The following ATP8A2 variants were observed in gnomAD, a reference collection of about 807,000 sequenced individuals.
The protein encoded by ATP8A2 is phospholipid-transporting ATPase IB.
ATP8A2 carries 100 observed loss-of-function variants against 165.6 expected under a neutral mutation model. The observed-to-expected ratio is 0.60, with a 90% confidence interval of 0.51 to 0.71. The LOEUF (loss-of-function observed/expected upper bound fraction) is 0.71, where lower values mean the gene tolerates loss of function less well. Among genes scored for constraint, ATP8A2 ranks in the 30% least tolerant of loss-of-function variants. The pLI, the probability that ATP8A2 is intolerant of heterozygous loss-of-function variation, is 0.00. For missense variants in ATP8A2, 1,227 were observed against 1,479.5 expected, an observed-to-expected ratio of 0.83 and a Z score of 2.80; for synonymous variants, 543 against 548.8, an observed-to-expected ratio of 0.99 and a Z score of 0.15.
chr13:25,701,134 G>C lies in ATP8A2; in HGVS notation c.2384+1789G>C, dbSNP rs181805449. ...TGATTTGCAGTTTTTCCCCTTTTAGGTTACCTTTTCACTTTCCTGATAGTA... is the reference window on the plus strand; with the variant it reads ...TGATTTGCAGTTTTTCCCCTTTTAGCTTACCTTTTCACTTTCCTGATAGTA... On this transcript the variant is annotated intron_variant, in intron 25 of 36. Coordinates refer to ENST00000381655, the MANE Select transcript of ATP8A2 (RefSeq NM_016529.6). 3.4e-3 allele frequency among the ~76,000 whole-genome samples: 518 copies of C among 152,114 alleles called. 2 individuals carry two copies. The highest frequency in any genetic ancestry group is 0.012 in the African/African-American group (492 of 41,498).
intron 33 of ATP8A2, chr13:25,867,915 T>C (rs1019704172): frequency 9.2e-6 from 2 of 218,560 alleles, no homozygotes; most frequent in African/African-American, 2.3e-5. Flanking sequence ...CAAAAGTGTC[T>C]TTTTTTTATT....
intron 1 of ATP8A2, among the ~76,000 whole-genome samples, chr13:25,422,239 T>G (rs1566120339): frequency 6.6e-6 from 1 of 152,220 alleles, no homozygotes; most frequent in East Asian, 1.9e-4. Context: ...GAGGCATTTT[T>G]GAAAGCAAGT....
chr13:25,752,460 A>C (rs951309929), intron 25 of ATP8A2, among the ~76,000 whole-genome samples: 1 of 152,180 alleles, frequency 6.6e-6, no homozygotes, highest in Middle Eastern at 3.2e-3. Flanking sequence ...TCTGAAAAAA[A>C]AGAAAGAAAT....
intron 33 of ATP8A2, among the ~76,000 whole-genome samples, chr13:25,892,914 T>G (rs367662016): frequency 6.6e-6 from 1 of 151,638 alleles, no homozygotes; most frequent in Admixed American, 6.6e-5. Flanking sequence ...TAGCACAAAG[T>G]GTTAAGTGGT....
chr13:25,623,975 T>A (rs2041041330), intron 24 of ATP8A2, among the ~76,000 whole-genome samples: 1 of 152,166 alleles, frequency 6.6e-6, no homozygotes. Flanking sequence ...TGTGTGTGTG[T>A]GTGAGAATGG....
At chr13:25,851,091 G>A (rs1487949281) in intron 30 of ATP8A2, among the ~76,000 whole-genome samples, 3 of 152,178 alleles carry the variant, frequency 2.0e-5, no homozygotes, top group Non-Finnish European at 2.9e-5. Context: ...TTTCCAGATG[G>A]TGTTAGCTTT....
intron 1 of ATP8A2, among the ~76,000 whole-genome samples, chr13:25,387,407 A>G (rs2033094897): frequency 6.6e-6 from 1 of 151,848 alleles, no homozygotes; most frequent in Non-Finnish European, 1.5e-5. Context: ...GTCCTAGGTT[A>G]TTGTAGCACA....
At position 25,889,245 on chromosome 13, in the gene ATP8A2, C is replaced by CATATAT. The variant is rs200723564; in HGVS notation, c.3183+26861_3183+26866dup. 9.3e-3 allele frequency among the ~76,000 whole-genome samples: 1,017 copies of CATATAT among 109,908 alleles called. 33 individuals carry two copies. Among genetic ancestry groups the CATATAT allele is most frequent in the African/African-American group, 0.03 (693 of 23,484 alleles). The allele number at this position is 109,908 out of a possible 152,430, so 72.1% of individuals were successfully genotyped here. On this transcript the variant is annotated intron_variant, in intron 33 of 36. Transcript: ENST00000381655. ...TTAAATTTGTTTGCTCATCCTTTGT[C>CATATAT]ATATATATATATATATATATATATA...
chr13:25,724,922 A>G (rs2138052965), intron 25 of ATP8A2, among the ~76,000 whole-genome samples: 1 of 152,312 alleles, frequency 6.6e-6, no homozygotes, highest in East Asian at 1.9e-4. Flanking sequence ...AGGTGTCTTC[A>G]ATAAAAAAGA....
chr13:25,400,600 A>C (rs1281906474), intron 1 of ATP8A2, among the ~76,000 whole-genome samples: 1 of 152,226 alleles, frequency 6.6e-6, no homozygotes, highest in African/African-American at 2.4e-5. Flanking sequence ...GAGGATTCTG[A>C]ACACCACTGA....
At chr13:25,566,098 T>TCTA (rs1328527463) in intron 16 of ATP8A2, among the ~76,000 whole-genome samples, 1 of 152,128 alleles carries the variant, frequency 6.6e-6, no homozygotes, top group Non-Finnish European at 1.5e-5. Flanking sequence ...CCTACTTTTC[T>TCTA]CTATTGAAGT....
chr13:26,009,183 C>T (rs949068938), intron 35 of ATP8A2, among the ~76,000 whole-genome samples: 1 of 152,110 alleles, frequency 6.6e-6, no homozygotes, highest in Non-Finnish European at 1.5e-5. Context: ...ATTTGCAGGA[C>T]TTGGTATAAG....
intron 10 of ATP8A2, 28 bp from the exon 11 acceptor site, chr13:25,551,310 C>T: frequency 6.3e-7 from 1 of 1,599,998 alleles, no homozygotes; most frequent in Non-Finnish European, 8.6e-7. Context: ...TTCTGTGACC[C>T]TTACTGACTT....
At chr13:25,437,083 T>A (rs2034801449) in intron 1 of ATP8A2, among the ~76,000 whole-genome samples, 1 of 152,198 alleles carries the variant, frequency 6.6e-6, no homozygotes, top group South Asian at 2.1e-4. Flanking sequence ...AGCTGTTTTT[T>A]GACTCTTTAG....
At chr13:25,373,386 G>A (rs1295077734) in intron 1 of ATP8A2, among the ~76,000 whole-genome samples, 1 of 152,196 alleles carries the variant, frequency 6.6e-6, no homozygotes, top group African/African-American at 2.4e-5. Flanking sequence ...GTAAAGTCAG[G>A]ACACTTTCAC....
chr13:25,999,670 AGGCTGT>A, intron 35 of ATP8A2, among the ~76,000 whole-genome samples: 1 of 152,326 alleles, frequency 6.6e-6, no homozygotes, highest in South Asian at 2.1e-4. Flanking sequence ...ATGAGGGCAG[AGGCTGT>A]GTCTTGGGTA....
chr13:25,687,839 CCTTA>C (rs1335331025), intron 24 of ATP8A2, among the ~76,000 whole-genome samples: 2 of 152,194 alleles, frequency 1.3e-5, no homozygotes, highest in African/African-American at 4.8e-5. Context: ...TTCTAAGCCT[CCTTA>C]ACTGGCTGGG....
intron 35 of ATP8A2, among the ~76,000 whole-genome samples, chr13:25,971,407 C>T (rs926627827): frequency 6.6e-6 from 1 of 151,962 alleles, no homozygotes; most frequent in Non-Finnish European, 1.5e-5. Flanking sequence ...TCAGCTCTGT[C>T]CTCCCTTCTA....
chr13:25,419,466 C>A (rs2034233995), intron 1 of ATP8A2, among the ~76,000 whole-genome samples: 1 of 151,756 alleles, frequency 6.6e-6, no homozygotes, highest in South Asian at 2.1e-4. Flanking sequence ...AGTGAAGACC[C>A]AAAGAAACAA....
Sources: allele counts gnomAD v4.1 joint callset (sites outside exome capture counted in the v4.1 genomes callset), GRCh38; gene constraint gnomAD v4.1.1; transcripts MANE v1.5; gene names NCBI Gene and HGNC (gene_info 2026-07-23, HGNC 2026-07-21).